The following CNTN3 variants were observed in gnomAD, a reference collection of about 807,000 sequenced individuals.
CNTN3 encodes the protein contactin-3.
A neutral mutation model predicts 119.1 loss-of-function variants in CNTN3; 60 were observed. That is an observed-to-expected ratio of 0.50 (90% CI 0.41 to 0.62). The LOEUF (loss-of-function observed/expected upper bound fraction) is 0.62, where lower values mean the gene tolerates loss of function less well. Among genes scored for constraint, CNTN3 ranks in the 20% least tolerant of loss-of-function variants. The pLI, the probability that CNTN3 is intolerant of heterozygous loss-of-function variation, is 0.00. For missense variants in CNTN3, 1,101 were observed against 1,242.4 expected, an observed-to-expected ratio of 0.89 and a Z score of 1.71; for synonymous variants, 450 against 438.7, an observed-to-expected ratio of 1.03 and a Z score of -0.32.
At chr3:74,402,195 C>T (rs1449168755) in intron 5 of CNTN3, among the ~76,000 whole-genome samples, 2 of 152,136 alleles carry the variant, frequency 1.3e-5, no homozygotes, top group Non-Finnish European at 1.5e-5. Flanking sequence ...CTTACGGCTA[C>T]GTCCCAAAAC....
chr3:74,304,812 C>T (rs913662594), intron 13 of CNTN3, among the ~76,000 whole-genome samples: 11 of 152,078 alleles, frequency 7.2e-5, no homozygotes, highest in African/African-American at 2.7e-4. Flanking sequence ...TTAACTAAAA[C>T]AAGTAGAATT....
intron 19 of CNTN3, among the ~76,000 whole-genome samples, chr3:74,290,884 T>C (rs942215514): frequency 1.3e-5 from 2 of 151,930 alleles, no homozygotes; most frequent in Non-Finnish European, 2.9e-5. Flanking sequence ...TTTATTTATT[T>C]ATTTTTACTT....
At chr3:74,333,701 A>C (rs13076835) in intron 13 of CNTN3, among the ~76,000 whole-genome samples, 2 of 152,188 alleles carry the variant, frequency 1.3e-5, no homozygotes, top group Non-Finnish European at 2.9e-5. Flanking sequence ...CATTAAGAAT[A>C]TATTTTTGGG....
intron 19 of CNTN3, among the ~76,000 whole-genome samples, chr3:74,290,110 C>T (rs1283608927): frequency 3.3e-5 from 5 of 152,122 alleles, no homozygotes; most frequent in South Asian, 2.1e-4. Flanking sequence ...TTATGTGTTA[C>T]GATGACAGGG....
At chr3:74,469,331 A>C (rs1053107010) in intron 4 of CNTN3, among the ~76,000 whole-genome samples, 1 of 152,102 alleles carries the variant, frequency 6.6e-6, no homozygotes, top group Non-Finnish European at 1.5e-5. Flanking sequence ...TCTCAAATTG[A>C]AGACAGCCCT....
At chr3:74,435,638 G>C (rs1451234815) in intron 4 of CNTN3, among the ~76,000 whole-genome samples, 6 of 152,102 alleles carry the variant, frequency 3.9e-5, no homozygotes, top group African/African-American at 1.2e-4. Flanking sequence ...TAGATGGATG[G>C]CTTTGCTAGA....
At chr3:74,302,226 T>C (rs1702474743) in intron 14 of CNTN3, among the ~76,000 whole-genome samples, 1 of 152,180 alleles carries the variant, frequency 6.6e-6, no homozygotes, top group African/African-American at 2.4e-5. Context: ...CACACTCTGG[T>C]CATTTTTCAG....
chr3:74,565,947 A>G (rs558095192), intron 1 of CNTN3, among the ~76,000 whole-genome samples: 13 of 152,092 alleles, frequency 8.5e-5, no homozygotes, highest in Non-Finnish European at 1.9e-4. Context: ...GTGATAGTGA[A>G]TAAGTCTCAT....
chr3:74,585,560 T>C lies in CNTN3; in HGVS notation c.-81+28831A>G, dbSNP rs1219344794. Among the ~76,000 whole-genome samples, 3 of 152,280 alleles carry C rather than the reference T, an allele frequency of 2.0e-5. No individual in the cohort carries two copies. In the East Asian group the frequency reaches 5.8e-4, roughly 29 times the overall value. On this transcript the variant is annotated intron_variant, in intron 1 of 22. Coordinates refer to ENST00000263665, the MANE Select transcript of CNTN3 (RefSeq NM_020872.3). Reference sequence around the variant, plus strand: ...ATAATGAACTGAATCATATTTCATATTTGTTTGACCCAAAATATCTTATAA... The same window carrying C: ...ATAATGAACTGAATCATATTTCATACTTGTTTGACCCAAAATATCTTATAA...
intron 1 of CNTN3, among the ~76,000 whole-genome samples, chr3:74,538,950 T>G (rs1046132308): frequency 1.3e-5 from 2 of 152,060 alleles, no homozygotes; most frequent in African/African-American, 4.8e-5. Flanking sequence ...AGTACCATGG[T>G]CTTTCAAAAA....
intron 20 of CNTN3, among the ~76,000 whole-genome samples, chr3:74,278,056 C>A (rs1396351939): frequency 2.7e-5 from 4 of 150,844 alleles, no homozygotes; most frequent in African/African-American, 9.7e-5. Context: ...ATATACCTAA[C>A]CAGGAGATGA....
At chr3:74,381,930 T>C (rs1282184463) in intron 5 of CNTN3, among the ~76,000 whole-genome samples, 4 of 152,180 alleles carry the variant, frequency 2.6e-5, no homozygotes, top group African/African-American at 9.6e-5. Flanking sequence ...ATTTATTGGC[T>C]GGGAGTGGTG....
chr3:74,588,004 A>AG (rs1484064325), intron 1 of CNTN3, among the ~76,000 whole-genome samples: 1 of 152,032 alleles, frequency 6.6e-6, no homozygotes, highest in African/African-American at 2.4e-5. Context: ...TTTAGCATGA[A>AG]GGTTGTTGAA....
chr3:74,402,876 G>A (rs148074468), intron 5 of CNTN3, among the ~76,000 whole-genome samples: 193 of 152,308 alleles, frequency 1.3e-3, no homozygotes, highest in Middle Eastern at 6.8e-3. Context: ...AGATTCGAGA[G>A]TGTACTTTCA....
chr3:74,454,884 G>A (rs1489610380), intron 4 of CNTN3, among the ~76,000 whole-genome samples: 2 of 152,170 alleles, frequency 1.3e-5, no homozygotes, highest in Non-Finnish European at 2.9e-5. Context: ...TCCACAGTTA[G>A]TCTGATGGGC....
chr3:74,453,040 T>C (rs1286453022), intron 4 of CNTN3, among the ~76,000 whole-genome samples: 1 of 151,776 alleles, frequency 6.6e-6, no homozygotes, highest in Non-Finnish European at 1.5e-5. Context: ...TAAAATGAGT[T>C]AGGGAGGTTT....
At chr3:74,477,220 T>C (rs1020758207) in intron 4 of CNTN3, among the ~76,000 whole-genome samples, 8 of 152,176 alleles carry the variant, frequency 5.3e-5, no homozygotes, top group Admixed American at 1.3e-4. Flanking sequence ...AAGAAGAACC[T>C]TAGAGGTTTA....
At chr3:74,403,422 G>C (rs1012211608) in intron 5 of CNTN3, among the ~76,000 whole-genome samples, 3 of 152,130 alleles carry the variant, frequency 2.0e-5, no homozygotes, top group African/African-American at 7.2e-5. Flanking sequence ...TATCCCTTGA[G>C]AAAAGTCACA....
intron 1 of CNTN3, among the ~76,000 whole-genome samples, chr3:74,562,229 G>A (rs1704163951): frequency 6.6e-6 from 1 of 152,148 alleles, no homozygotes. Flanking sequence ...TAGCACATAT[G>A]ACTAGCTGTG....
Sources: gnomAD v4.1 joint callset for allele counts (sites outside exome capture counted in the v4.1 genomes callset) on GRCh38, gnomAD v4.1.1 for gene constraint, MANE v1.5 for transcripts, NCBI Gene and HGNC (gene_info 2026-07-23, HGNC 2026-07-21) for gene names.